The following RPGRIP1 variants were observed in gnomAD, a reference collection of about 807,000 sequenced individuals.
The protein encoded by RPGRIP1 is RPGR interacting protein 1.
RPGRIP1 carries 128 observed loss-of-function variants against 157.9 expected under a neutral mutation model. The ratio of observed to expected loss-of-function variants is 0.81; its 90% CI spans 0.70 to 0.94. The LOEUF is 0.94. RPGRIP1 is among the 40% of genes least tolerant of loss of function. RPGRIP1 has a pLI of 0.00. For synonymous variants in RPGRIP1, 554 were observed against 571.6 expected (o/e 0.97, Z 0.44); for missense variants, 1,486 against 1,545.8 (o/e 0.96, Z 0.65).
chr14:21,323,196 C>T (rs975184768), intron 14 of RPGRIP1, among the ~76,000 whole-genome samples: 2 of 151,864 alleles, frequency 1.3e-5, no homozygotes, highest in East Asian at 1.9e-4. Context: ...ACGAGGCGGG[C>T]GGATTGCCTG....
chr14:21,348,028 G>T, intron 23 of RPGRIP1, 144 bp from the exon 24 acceptor site: 4 of 638,484 alleles, frequency 6.3e-6, no homozygotes, highest in African/African-American at 3.8e-5. Context: ...TGACTTTTTT[G>T]CTTATTGTCA....
intron 10 of RPGRIP1, among the ~76,000 whole-genome samples, chr14:21,316,299 A>T (rs11847506): frequency 0.22 from 33,584 of 151,762 alleles, 4,065 homozygotes; most frequent in Admixed American, 0.33. Context: ...TTTAATGGAG[A>T]TGGGGTTTCA....
intron 20 of RPGRIP1, among the ~76,000 whole-genome samples, chr14:21,332,380 A>G (rs1883882511): frequency 6.6e-6 from 1 of 152,254 alleles, no homozygotes; most frequent in African/African-American, 2.4e-5. Flanking sequence ...ACTCAATGTA[A>G]GGAAGGTTAA....
At chr14:21,320,298 CT>C (rs1040027371) in intron 12 of RPGRIP1, 121 bp downstream of exon 12, 37,943 of 685,286 alleles carry the variant, frequency 0.055, no homozygotes, top group South Asian at 0.079. Context: ...TGAGGACACT[CT>C]TTTTTTTTTT....
chr14:21,298,707 C>G (rs1462373015), intron 3 of RPGRIP1, among the ~76,000 whole-genome samples: 2 of 151,692 alleles, frequency 1.3e-5, no homozygotes, highest in Non-Finnish European at 2.9e-5. Flanking sequence ...TTTGGGAAGC[C>G]AAGGCGGGTA....
chr14:21,282,077 A>G (rs751906570), intron 1 of RPGRIP1, among the ~76,000 whole-genome samples: 4 of 152,152 alleles, frequency 2.6e-5, no homozygotes, highest in Non-Finnish European at 5.9e-5. Flanking sequence ...CCCAGGCAAC[A>G]ATGTGATACT....
At position 21,348,310 on chromosome 14, in the gene RPGRIP1, ATT is replaced by A; in HGVS notation, c.3748+16_3748+17del. ...TAGAGCAAGAGCTAGACAGTGAGTC[ATT>A]TTTTTTTCAGTTCTAATTATTTCCA... On this transcript the variant is annotated intron_variant, in intron 24 of 24. Coordinates refer to ENST00000400017, the MANE Select transcript of RPGRIP1 (RefSeq NM_020366.4). The A allele has an allele frequency of 2.0e-6, 3 of 1,525,544 alleles. No homozygotes were observed. The highest frequency in any genetic ancestry group is 1.4e-5 in the African/African-American group (1 of 71,020). The allele number at this position is 1,525,544 out of a possible 1,614,324, so 94.5% of individuals were successfully genotyped here.
At chr14:21,341,082 G>T (rs1297183526) in intron 21 of RPGRIP1, among the ~76,000 whole-genome samples, 1 of 152,152 alleles carries the variant, frequency 6.6e-6, no homozygotes, top group Admixed American at 6.5e-5. Context: ...GTCTCACTCT[G>T]TTGCCCAGGC....
rs189244589 is a variant in RPGRIP1, at chr14:21,341,800, A to G, written c.3340-1236A>G. Among the ~76,000 whole-genome samples, 302 of 152,252 alleles carry G rather than the reference A, an allele frequency of 2.0e-3. 1 individual carries two copies. The highest frequency in any genetic ancestry group is 3.1e-3 in the Non-Finnish European group (214 of 68,018). ...GCCAGGCGCGGCGGCTCACGACTGT[A>G]ATCCCAGCACTTTGGGAGGCCGAGG... On this transcript the variant is annotated intron_variant, in intron 21 of 24. Coordinates refer to ENST00000400017, the MANE Select transcript of RPGRIP1 (RefSeq NM_020366.4).
intron 21 of RPGRIP1, among the ~76,000 whole-genome samples, chr14:21,335,840 C>T (rs1181852236): frequency 2.0e-5 from 3 of 151,960 alleles, no homozygotes; most frequent in Non-Finnish European, 1.5e-5. Context: ...TAATAAATAT[C>T]CACACATATA....
intron 2 of RPGRIP1, among the ~76,000 whole-genome samples, chr14:21,289,150 A>AC (rs1198864114): frequency 6.6e-6 from 1 of 151,454 alleles, no homozygotes; most frequent in Non-Finnish European, 1.5e-5. Context: ...ACATGGTGAA[A>AC]CCCCGTCTCT....
At chr14:21,316,685 C>A (rs978902404) in intron 10 of RPGRIP1, among the ~76,000 whole-genome samples, 2 of 151,756 alleles carry the variant, frequency 1.3e-5, no homozygotes, top group Non-Finnish European at 2.9e-5. Context: ...CAAAGTGTTG[C>A]GATTGCAGGC....
At chr14:21,284,405 G>A (rs569640878) in intron 1 of RPGRIP1, among the ~76,000 whole-genome samples, 33 of 148,384 alleles carry the variant, frequency 2.2e-4, no homozygotes, top group Admixed American at 6.0e-4. Flanking sequence ...CAATCAGACT[G>A]GTAAGAGAAA....
At chr14:21,289,196 C>T (rs1025546075) in intron 2 of RPGRIP1, among the ~76,000 whole-genome samples, 9 of 152,066 alleles carry the variant, frequency 5.9e-5, no homozygotes, top group East Asian at 1.9e-4. Context: ...GGCGTTGTGG[C>T]GGGCGCCTGT....
rs558914756 is a variant in RPGRIP1 at position 21,306,320 on chromosome 14, A to AG, written c.801-1406dup. ...GCTAATTTTTATATTTTTAGTAGAG[A>AG]GGGGGTTTCACCATGTTGGCCAGGC... is the stretch of plus-strand genomic sequence containing the variant. On this transcript the variant is annotated intron_variant, in intron 6 of 24. Coordinates refer to ENST00000400017, the MANE Select transcript of RPGRIP1 (RefSeq NM_020366.4). Among the ~76,000 whole-genome samples the AG allele has an allele frequency of 7.0e-4, 105 of 150,348 alleles. 1 individual carries two copies. Among genetic ancestry groups the AG allele is most frequent in the African/African-American group, 2.3e-3 (93 of 40,988 alleles).
intron 20 of RPGRIP1, among the ~76,000 whole-genome samples, chr14:21,330,647 C>A (rs1029051837): frequency 6.6e-6 from 1 of 151,814 alleles, no homozygotes; most frequent in African/African-American, 2.4e-5. Flanking sequence ...CCAGCCTGGG[C>A]GACAGAGCGA....
In RPGRIP1 at chr14:21,321,366, G is replaced by A. The variant is rs552933130; in HGVS notation, c.1575G>A (p.Met525Ile). 12 of 1,612,970 alleles carry A rather than the reference G, an allele frequency of 7.4e-6. No homozygotes were observed. The highest frequency in any genetic ancestry group is 4.0e-5 in the African/African-American group (3 of 74,972). ...TTLELEKTRD[M>I]LILQRKINVC... ...TGGAACTAGAAAAGACCAGGGACAT[G>A]CTTATTCTGCAGCGCAAAATCAACG... is the stretch of plus-strand genomic sequence containing the variant. The change falls in exon 13 of 25, where the codon ATG becomes ATA. Residue 525 changes from methionine (M) to isoleucine (I), a missense_variant. Met to Ile is a conservative substitution (Grantham distance 10, BLOSUM62 1). Transcript: ENST00000400017.
chr14:21,299,914 C>G (rs1025705038), intron 3 of RPGRIP1, among the ~76,000 whole-genome samples: 1 of 152,190 alleles, frequency 6.6e-6, no homozygotes, highest in African/African-American at 2.4e-5. Context: ...CTCACTGTGT[C>G]TTGGGAGGTG....
intron 1 of RPGRIP1, among the ~76,000 whole-genome samples, chr14:21,281,314 A>G (rs10133006): frequency 0.28 from 42,575 of 151,856 alleles, 6,253 homozygotes; most frequent in Admixed American, 0.33. Flanking sequence ...GAGCCACCAC[A>G]CCTGCCCAAT....
Sources: gnomAD v4.1 joint callset for allele counts (sites outside exome capture counted in the v4.1 genomes callset) on GRCh38, gnomAD v4.1.1 for gene constraint, MANE v1.5 for transcripts, NCBI Gene and HGNC (gene_info 2026-07-23, HGNC 2026-07-21) for gene names.